MSH4: variants seen among roughly 807,000 people sequenced by gnomAD.
MSH4 encodes the protein mutS homolog 4.
MSH4 carries 106 observed loss-of-function variants against 113.7 expected under a neutral mutation model. That is an observed-to-expected ratio of 0.93 (90% CI 0.80 to 1.10). The LOEUF is 1.10. Ranked by LOEUF, MSH4 falls within the 50% of genes least tolerant of loss-of-function variation. The pLI, the probability that MSH4 is intolerant of heterozygous loss-of-function variation, is 0.00. For synonymous variants in MSH4, 368 were observed against 380.2 expected (o/e 0.97, Z 0.37); for missense variants, 1,061 against 1,093.7 (o/e 0.97, Z 0.42).
intron 8 of MSH4, among the ~76,000 whole-genome samples, chr1:75,865,087 T>C (rs190408338): frequency 3.3e-5 from 5 of 152,154 alleles, no homozygotes; most frequent in Admixed American, 1.3e-4. Context: ...GACAAATTGG[T>C]TACTTGATCA....
chr1:75,870,328 C>T (rs1651684378), intron 9 of MSH4, among the ~76,000 whole-genome samples: 1 of 152,128 alleles, frequency 6.6e-6, no homozygotes, highest in Non-Finnish European at 1.5e-5. Flanking sequence ...GAGATTTGGA[C>T]TGTGGACTTT....
intron 17 of MSH4, among the ~76,000 whole-genome samples, chr1:75,896,430 T>C (rs1305070967): frequency 6.6e-6 from 1 of 150,418 alleles, no homozygotes. Context: ...CCCCATCTAA[T>C]ACAGTATCTG....
chr1:75,805,862 C>T (rs1476901977), intron 2 of MSH4, among the ~76,000 whole-genome samples: 1 of 151,904 alleles, frequency 6.6e-6, no homozygotes, highest in Non-Finnish European at 1.5e-5. Context: ...TCATCATCAT[C>T]ATAAGATTAT....
chr1:75,888,629 T>A (rs1057213887), intron 15 of MSH4, among the ~76,000 whole-genome samples: 2 of 151,954 alleles, frequency 1.3e-5, no homozygotes, highest in African/African-American at 4.8e-5. Flanking sequence ...TTTATTTTAT[T>A]TTTGACATAA....
intron 7 of MSH4, among the ~76,000 whole-genome samples, chr1:75,843,456 C>T (rs1035932392): frequency 6.6e-6 from 1 of 152,150 alleles, no homozygotes; most frequent in African/African-American, 2.4e-5. Flanking sequence ...CTTTGCAGGG[C>T]AATTTCAAGG....
chr1:75,822,175 G>C (rs1419024897), intron 6 of MSH4, among the ~76,000 whole-genome samples: 1 of 151,668 alleles, frequency 6.6e-6, no homozygotes, highest in African/African-American at 2.4e-5. Flanking sequence ...TGTAGTCCCA[G>C]CTACTCAGGA....
Position 75,816,526 on chromosome 1 carries a change from A to C in MSH4, c.969A>C (p.Leu323Phe). The change falls in exon 6 of 20, where the codon TTA (leucine) becomes TTC (phenylalanine). Residue 323 changes from leucine (L) to phenylalanine (F), a missense_variant. Physicochemically the swap from Leu to Phe is conservative, Grantham distance 22 (BLOSUM62 0). Transcript: ENST00000263187. Reference sequence around the variant, plus strand: ...CATCAGCCCAAAACCTTGAATTGTTAATTAATAATCAAGACTATAGGTAAG... The same window carrying C: ...CATCAGCCCAAAACCTTGAATTGTTCATTAATAATCAAGACTATAGGTAAG... ...DSSSAQNLEL[L>F]INNQDYRNNH... is the part of the protein sequence containing the mutation. 6.3e-7 allele frequency: 1 copy of C among 1,581,150 alleles called. No individual in the cohort carries two copies.
chr1:75,860,966 C>T (rs541044156), intron 8 of MSH4, among the ~76,000 whole-genome samples: 115 of 152,242 alleles, frequency 7.6e-4, no homozygotes, highest in African/African-American at 2.6e-3. Flanking sequence ...TGTTTCTTTT[C>T]ACTCTTTTTT....
intron 7 of MSH4, among the ~76,000 whole-genome samples, chr1:75,825,061 G>T (rs892764782): frequency 6.6e-6 from 1 of 151,884 alleles, no homozygotes; most frequent in African/African-American, 2.4e-5. Flanking sequence ...GGGCAGTATG[G>T]CCATTTTCAC....
At chr1:75,898,247 A>G (rs1652427053) in intron 18 of MSH4, among the ~76,000 whole-genome samples, 166 bp downstream of exon 18, 2 of 152,056 alleles carry the variant, frequency 1.3e-5, no homozygotes, top group South Asian at 4.1e-4. Flanking sequence ...CATTGTATCT[A>G]TATCTAGATA....
At chr1:75,873,628 G>A (rs146981361) in intron 9 of MSH4, among the ~76,000 whole-genome samples, 140 of 151,922 alleles carry the variant, frequency 9.2e-4, no homozygotes, top group African/African-American at 3.0e-3. Flanking sequence ...AGTTCTCATC[G>A]TTTAACTCCC....
rs139839510 is a variant in MSH4, at chr1:75,826,578, A to G, written c.1162+3997A>G. The stretch of plus-strand genomic sequence containing the variant: ...AGGGTGTCGATTTGAGATCTTTTCC[A>G]CTCTCTGATGTGGGCATTTAGTGCT... On this transcript the variant is annotated intron_variant, in intron 7 of 19. Coordinates refer to ENST00000263187, the MANE Select transcript of MSH4 (RefSeq NM_002440.4). Among the ~76,000 whole-genome samples the G allele has an allele frequency of 9.2e-4, 139 of 151,546 alleles. 3 individuals carry two copies. The East Asian group carries it at 0.023, about 25-fold the overall frequency.
chr1:75,805,396 T>G (rs76299790), intron 2 of MSH4, among the ~76,000 whole-genome samples: 2 of 151,182 alleles, frequency 1.3e-5, no homozygotes, highest in Non-Finnish European at 3.0e-5. Context: ...TTTTTTTTTT[T>G]TTGGTTTTTG....
Position 75,822,541 on chromosome 1 carries a change from A to G in MSH4, c.1122A>G (p.Glu374=). 1 of 1,559,612 alleles carries G rather than the reference A, an allele frequency of 6.4e-7. No individual in the cohort carries two copies. Residue 374 remains glutamate (E), a synonymous_variant, in exon 7 of 20, where the codon GAA becomes GAG. Coordinates refer to ENST00000263187, the MANE Select transcript of MSH4 (RefSeq NM_002440.4). The part of the protein sequence containing the change: ...TINMRLDCVQ[E]LLQDEELFFG... ...ACATGAGATTAGATTGTGTTCAAGAACTACTTCAAGATGAGGAACTATTTT... is the reference window on the plus strand; with the variant it reads ...ACATGAGATTAGATTGTGTTCAAGAGCTACTTCAAGATGAGGAACTATTTT...
At chr1:75,908,626 CAT>C (rs1188989321) in intron 19 of MSH4, among the ~76,000 whole-genome samples, 1 of 152,190 alleles carries the variant, frequency 6.6e-6, no homozygotes, top group African/African-American at 2.4e-5. Flanking sequence ...TTGGGGAGAT[CAT>C]AGTTTCCTGT....
At chr1:75,834,791 TG>T (rs1650792413) in intron 7 of MSH4, among the ~76,000 whole-genome samples, 1 of 151,890 alleles carries the variant, frequency 6.6e-6, no homozygotes, top group Non-Finnish European at 1.5e-5. Flanking sequence ...GGTCAGGGGA[TG>T]GGGGAGGGAT....
intron 8 of MSH4, among the ~76,000 whole-genome samples, chr1:75,865,500 A>G (rs1651543924): frequency 6.6e-6 from 1 of 152,144 alleles, no homozygotes; most frequent in African/African-American, 2.4e-5. Context: ...CCACCTGGGG[A>G]AGTACTAGGG....
chr1:75,899,575 G>C (rs1271416360), intron 18 of MSH4, 43 bp from the exon 19 acceptor site: 7 of 1,126,004 alleles, frequency 6.2e-6, no homozygotes, highest in Non-Finnish European at 8.7e-6. Flanking sequence ...AAAAATGCCA[G>C]CAGTAACAAT....
chr1:75,824,183 T>C (rs1650493319), intron 7 of MSH4, among the ~76,000 whole-genome samples: 2 of 152,246 alleles, frequency 1.3e-5, no homozygotes, highest in South Asian at 4.1e-4. Context: ...TGGCTTGAGC[T>C]GGTATCTCAT....
Sources: allele counts gnomAD v4.1 joint callset (sites outside exome capture counted in the v4.1 genomes callset), GRCh38; gene constraint gnomAD v4.1.1; transcripts MANE v1.5; gene names NCBI Gene and HGNC (gene_info 2026-07-23, HGNC 2026-07-21).